The following RER1 variants were observed in gnomAD, a reference collection of about 807,000 sequenced individuals.
RER1 encodes protein RER1.
A neutral mutation model predicts 28.3 loss-of-function variants in RER1; 6 were observed. That is an observed-to-expected ratio of 0.21 (90% CI 0.12 to 0.42). The LOEUF (loss-of-function observed/expected upper bound fraction) is 0.42, where lower values mean the gene tolerates loss of function less well. Ranked by LOEUF, RER1 falls within the 10% of genes least tolerant of loss-of-function variation. The probability of loss-of-function intolerance (pLI) is 1.00; values close to 1 mark genes in which losing one functional copy is unlikely to be tolerated. For synonymous variants in RER1, 110 were observed against 95.9 expected, an observed-to-expected ratio of 1.15 and a Z score of -0.86; for missense variants, 159 against 252.9, an observed-to-expected ratio of 0.63 and a Z score of 2.52.
At chr1:2,402,995 A>G in intron 6 of RER1, 40 bp from the exon 7 acceptor site, 1 of 1,530,488 alleles carries the variant, frequency 6.5e-7, no homozygotes, top group Non-Finnish European at 9.0e-7. Flanking sequence ...CTGACTGGAG[A>G]GCGGTTGTGC....
intron 1 of RER1, chr1:2,394,999 A>G (rs2100397308): frequency 6.6e-6 from 1 of 152,408 alleles, no homozygotes. Flanking sequence ...GGTGGCAGTC[A>G]GGCTTGGCTT....
At chr1:2,398,414 G>C (rs1323074318) in intron 3 of RER1, among the ~76,000 whole-genome samples, 1 of 152,174 alleles carries the variant, frequency 6.6e-6, no homozygotes, top group Non-Finnish European at 1.5e-5. Flanking sequence ...TTTGAGATGG[G>C]GTCTCACTCT....
rs1210708650 is a variant in RER1, at chr1:2,397,112, C to G, written c.82-4C>G. 6.3e-7 allele frequency: 1 copy of G among 1,599,852 alleles called. No individual in the cohort carries two copies. On this transcript the variant is annotated splice_region_variant and splice_polypyrimidine_tract_variant and intron_variant, in intron 2 of 6. Coordinates refer to ENST00000605895, the MANE Select transcript of RER1 (RefSeq NM_007033.5). Reference sequence around the variant, plus strand: ...TTCATGCTTTTGGACTCTTGTCTTTCTAGATTTATCAGTCCTGGCTAGACA... The same window carrying G: ...TTCATGCTTTTGGACTCTTGTCTTTGTAGATTTATCAGTCCTGGCTAGACA...
At position 2,403,942 on chromosome 1, in the gene RER1, G is replaced by C. The variant is rs1033265025; in HGVS notation, c.*818G>C. 2 of 152,292 alleles carry C rather than the reference G, an allele frequency of 1.3e-5. No individual in the cohort carries two copies. The highest frequency in any genetic ancestry group is 1.5e-5 in the Non-Finnish European group (1 of 68,048). 9.4% of individuals were successfully genotyped at this position (152,292 alleles called of 1,614,324 possible). A position where few individuals can be genotyped will look rare whatever the true frequency, so the allele number is the denominator to read the frequency against. On this transcript the variant is annotated 3_prime_UTR_variant, in exon 7 of 7. Coordinates refer to ENST00000605895, the MANE Select transcript of RER1 (RefSeq NM_007033.5). ...ACTTGCATGTCAGCGTTTTTGATTC[G>C]AGAAAAGAAATACTCTCAACGTTTT...
intron 1 of RER1, among the ~76,000 whole-genome samples, chr1:2,392,975 C>G (rs1238342332): frequency 1.3e-5 from 2 of 152,252 alleles, no homozygotes; most frequent in Non-Finnish European, 2.9e-5. Flanking sequence ...TTCTTAGTCC[C>G]GGAGGAATTG....
Position 2,404,067 on chromosome 1 carries a change from G to C in RER1, c.*943G>C, listed in dbSNP as rs760711811. The stretch of plus-strand genomic sequence containing the variant: ...ACCTTTTGTTTGGCCTTTTCGAAAG[G>C]TGACCCATATTGCACAGCAGAACAT... On this transcript the variant is annotated 3_prime_UTR_variant, in exon 7 of 7. Transcript: ENST00000605895. 6.6e-6 allele frequency: 1 copy of C among 152,222 alleles called. No homozygotes were observed. The highest frequency in any genetic ancestry group is 1.5e-5 in the Non-Finnish European group (1 of 68,052). 9.4% of individuals were successfully genotyped at this position (152,222 alleles called of 1,614,324 possible).
chr1:2,401,910 A>C, intron 5 of RER1: 1 of 978,280 alleles, frequency 1.0e-6, no homozygotes, highest in Admixed American at 2.9e-5. Context: ...TCGCAGGCCC[A>C]GCCAGCAGGC....
chr1:2,396,160 C>A, intron 2 of RER1: 2 of 386,046 alleles, frequency 5.2e-6, no homozygotes, highest in Non-Finnish European at 9.7e-6. Context: ...AGGACAGATG[C>A]GGCCGTGGCT....
At chr1:2,402,478 TTG>T in intron 6 of RER1, 136 bp downstream of exon 6, 1 of 1,166,524 alleles carries the variant, frequency 8.6e-7, no homozygotes, top group Non-Finnish European at 1.2e-6. Context: ...TGGCACCGTC[TTG>T]TGTGTGACGA....
chr1:2,404,441 G>A lies in RER1; in HGVS notation c.*1317G>A, dbSNP rs1337138968. ...AAGCGCTCAGGCCTAAGGTGTGACAGGAAGTCGCACGCGCTTGGCCAGAGC... is the reference window on the plus strand; with the variant it reads ...AAGCGCTCAGGCCTAAGGTGTGACAAGAAGTCGCACGCGCTTGGCCAGAGC... On this transcript the variant is annotated 3_prime_UTR_variant, in exon 7 of 7. Transcript: ENST00000605895. 1.3e-5 allele frequency: 2 copies of A among 152,244 alleles called. No homozygotes were observed. Among genetic ancestry groups the A allele is most frequent in the African/African-American group, 4.8e-5 (2 of 41,444 alleles). 9.4% of individuals were successfully genotyped at this position (152,244 alleles called of 1,614,324 possible). A position where few individuals can be genotyped will look rare whatever the true frequency, so the allele number is the denominator to read the frequency against.
chr1:2,400,703 C>T lies in RER1; in HGVS notation c.287-154C>T, dbSNP rs145214722. Among the ~76,000 whole-genome samples, 57 of 152,254 alleles carry T rather than the reference C, an allele frequency of 3.7e-4. No individual in the cohort carries two copies. The East Asian group carries it at 0.01, about 28-fold the overall frequency. ...CAGTGAATTGGATGTGTCAGTTGAC[C>T]ACAGACCCCCGTTTTCTCGTTTTCT... is the stretch of plus-strand genomic sequence containing the variant. On this transcript the variant is annotated intron_variant, in intron 4 of 6. Coordinates refer to ENST00000605895, the MANE Select transcript of RER1 (RefSeq NM_007033.5).
chr1:2,394,505 C>T (rs1642738996), intron 1 of RER1: 1 of 152,234 alleles, frequency 6.6e-6, no homozygotes, highest in Non-Finnish European at 1.5e-5. Context: ...GGCTCCTGCC[C>T]ACTGCGAACA....
chr1:2,401,977 T>A (rs1471867199), intron 5 of RER1: 2 of 1,456,924 alleles, frequency 1.4e-6, no homozygotes, highest in African/African-American at 1.4e-5. Flanking sequence ...TTAAGAAGAA[T>A]TGTGTCTTTC....
intron 3 of RER1, 148 bp downstream of exon 3, chr1:2,397,368 C>T (rs1458607807): frequency 1.5e-6 from 1 of 653,322 alleles, no homozygotes; most frequent in Non-Finnish European, 2.8e-6. Flanking sequence ...AGAAAGATCT[C>T]AGTGACTGTC....
chr1:2,400,953 G>A lies in RER1; in HGVS notation c.365+18G>A, dbSNP rs1377892657. On this transcript the variant is annotated intron_variant, in intron 5 of 6. Coordinates refer to ENST00000605895, the MANE Select transcript of RER1 (RefSeq NM_007033.5). Reference sequence around the variant, plus strand: ...AAATTTTGGTGAGCTAATTCTTCACGGTATTTGAAGAGAATTGTGCTCAAG... The same window carrying A: ...AAATTTTGGTGAGCTAATTCTTCACAGTATTTGAAGAGAATTGTGCTCAAG... 12 of 1,584,630 alleles carry A rather than the reference G, an allele frequency of 7.6e-6. No individual in the cohort carries two copies. Among genetic ancestry groups the A allele is most frequent in the East Asian group, 2.2e-5 (1 of 44,738 alleles).
intron 4 of RER1, among the ~76,000 whole-genome samples, chr1:2,399,822 G>C (rs1182885204): frequency 6.6e-6 from 1 of 152,194 alleles, no homozygotes; most frequent in Non-Finnish European, 1.5e-5. Context: ...TCCGACTCCA[G>C]CCCCCGTCCC....
chr1:2,394,662 A>G (rs191186908), intron 1 of RER1: 10 of 152,282 alleles, frequency 6.6e-5, no homozygotes, highest in Non-Finnish European at 1.2e-4. Flanking sequence ...CATTTTACAG[A>G]TGAGGAAACT....
chr1:2,398,634 C>T (rs1222880957), intron 3 of RER1, among the ~76,000 whole-genome samples: 7 of 152,268 alleles, frequency 4.6e-5, no homozygotes, highest in Non-Finnish European at 1.0e-4. Flanking sequence ...GGTGATCCAC[C>T]CGCCTTGGCC....
At chr1:2,401,845 G>C (rs1050302633) in intron 5 of RER1, 1 of 587,860 alleles carries the variant, frequency 1.7e-6, no homozygotes, top group Non-Finnish European at 2.9e-6. Context: ...ATGCCACAGT[G>C]ACAAGGTGAA....
Sources: gnomAD v4.1 joint callset for allele counts (sites outside exome capture counted in the v4.1 genomes callset) on GRCh38, gnomAD v4.1.1 for gene constraint, MANE v1.5 for transcripts, NCBI Gene and HGNC (gene_info 2026-07-23, HGNC 2026-07-21) for gene names.